MYT1L: variants seen among roughly 807,000 people sequenced by gnomAD.
MYT1L encodes the protein myelin transcription factor 1 like.
MYT1L carries 12 observed loss-of-function variants against 126.7 expected under a neutral mutation model. That is an observed-to-expected ratio of 0.09 (90% CI 0.06 to 0.15). The LOEUF (loss-of-function observed/expected upper bound fraction) is 0.15. MYT1L is among the 10% of genes least tolerant of loss of function. The probability of loss-of-function intolerance (pLI) is 1.00; values close to 1 mark genes in which losing one functional copy is unlikely to be tolerated. For missense variants in MYT1L, 979 were observed against 1,585.2 expected (o/e 0.62, Z 6.49); for synonymous variants, 541 against 604.2 (o/e 0.90, Z 1.53).
chr2:1,910,893 A>G lies in MYT1L; in HGVS notation c.1710-546T>C, dbSNP rs2149022519. On this transcript the variant is annotated intron_variant, in intron 12 of 24. Transcript: ENST00000647738. The surrounding 1 kb of genome is among the most constrained non-coding windows in gnomAD (Gnocchi z 4.8). ...AGAATGATTTCTAGGACTGCAATAA[A>G]ATGTTTTGTGGAGCCAAATAGTTCA... Among the ~76,000 whole-genome samples the G allele has an allele frequency of 6.6e-6, 1 of 152,300 alleles. No individual in the cohort carries two copies. Among genetic ancestry groups the G allele is most frequent in the East Asian group, 1.9e-4 (1 of 5,182 alleles).
intron 19 of MYT1L, among the ~76,000 whole-genome samples, chr2:1,845,319 G>A (rs2042353219): frequency 6.6e-6 from 1 of 152,052 alleles, no homozygotes; most frequent in Admixed American, 6.6e-5. Flanking sequence ...TTTCGTGAAT[G>A]AGTTGGAACA....
At chr2:1,981,079 G>A (rs1356910618) in intron 5 of MYT1L, among the ~76,000 whole-genome samples, 7 of 151,646 alleles carry the variant, frequency 4.6e-5, no homozygotes, top group East Asian at 1.9e-4. Context: ...TAGATCTGCC[G>A]CTGAAATAAA....
chr2:2,032,025 A>G (rs2149929907), intron 4 of MYT1L, among the ~76,000 whole-genome samples: 1 of 137,618 alleles, frequency 7.3e-6, no homozygotes, highest in African/African-American at 2.9e-5. Context: ...CGAGGGCCTT[A>G]TACACACCCC....
chr2:2,021,666 G>T (rs1395101984), intron 4 of MYT1L, among the ~76,000 whole-genome samples: 1 of 152,208 alleles, frequency 6.6e-6, no homozygotes, highest in Non-Finnish European at 1.5e-5. Context: ...GCGAGGCCAA[G>T]GCAGGCTGAT....
chr2:2,299,426 G>A (rs1243018775), intron 1 of MYT1L, among the ~76,000 whole-genome samples: 1 of 152,216 alleles, frequency 6.6e-6, no homozygotes, highest in African/African-American at 2.4e-5. Context: ...GAACTGGTGT[G>A]GGCAGGAGGC....
intron 3 of MYT1L, among the ~76,000 whole-genome samples, chr2:2,136,877 C>G (rs1018678759): frequency 6.6e-6 from 1 of 152,148 alleles, no homozygotes; most frequent in African/African-American, 2.4e-5. Context: ...GGTATTCAAT[C>G]AGGAAAAGAG....
rs558192533 is a variant in MYT1L at position 1,889,046 on chromosome 2, G to A, written c.2520+195C>T. On this transcript the variant is annotated intron_variant, in intron 16 of 24. Coordinates refer to ENST00000647738, the MANE Select transcript of MYT1L (RefSeq NM_001303052.2). The surrounding 1 kb of genome is among the most constrained non-coding windows in gnomAD (Gnocchi z 4.1). ...TATCATTTACAAGAGTCAATACTTT[G>A]TTTCACTCTAATCAATGTTAGTCGC... Among the ~76,000 whole-genome samples the A allele has an allele frequency of 6.6e-6, 1 of 152,204 alleles. No individual in the cohort carries two copies. Among genetic ancestry groups the A allele is most frequent in the African/African-American group, 2.4e-5 (1 of 41,542 alleles).
intron 8 of MYT1L, among the ~76,000 whole-genome samples, chr2:1,953,962 T>C (rs1049226261): frequency 1.3e-5 from 2 of 152,188 alleles, no homozygotes; most frequent in Non-Finnish European, 2.9e-5. Flanking sequence ...TGATGTTCCA[T>C]TTTAGTGAAA....
intron 9 of MYT1L, among the ~76,000 whole-genome samples, chr2:1,936,682 C>T (rs982196643): frequency 1.3e-5 from 2 of 152,088 alleles, no homozygotes; most frequent in African/African-American, 4.8e-5. Context: ...AGTCTGTCTG[C>T]GTTTCAACTT....
chr2:1,865,583 T>G (rs949027308), intron 18 of MYT1L, among the ~76,000 whole-genome samples: 1 of 151,972 alleles, frequency 6.6e-6, no homozygotes, highest in Non-Finnish European at 1.5e-5. Flanking sequence ...TCCCCCTCCT[T>G]GTTTTTTTTC....
chr2:1,966,903 C>T (rs6751072), intron 8 of MYT1L, among the ~76,000 whole-genome samples: 21,001 of 152,066 alleles, frequency 0.14, 2,007 homozygotes, highest in African/African-American at 0.27. Flanking sequence ...ATGCCCTGGA[C>T]GAATGGCACA....
chr2:2,054,523 C>T (rs1308638695), intron 3 of MYT1L, among the ~76,000 whole-genome samples: 1 of 150,690 alleles, frequency 6.6e-6, no homozygotes, highest in East Asian at 2.0e-4. Context: ...GAGATGAGAT[C>T]CATGGGGATG....
chr2:2,166,834 TGCAAATACAA>T (rs2089212389), intron 3 of MYT1L, among the ~76,000 whole-genome samples: 1 of 152,246 alleles, frequency 6.6e-6, no homozygotes. Flanking sequence ...ATATTTTTTA[TGCAAATACAA>T]GCAAATACAT....
intron 4 of MYT1L, among the ~76,000 whole-genome samples, chr2:2,030,319 G>C (rs567518704): frequency 8.6e-5 from 13 of 151,950 alleles, no homozygotes; most frequent in Non-Finnish European, 1.5e-4. Flanking sequence ...GGATGGTCTC[G>C]ATCTCCTGAC....
In MYT1L at chr2:1,878,859, T is replaced by C. The variant is rs550611976; in HGVS notation, c.2711+7680A>G. On this transcript the variant is annotated intron_variant, in intron 18 of 24. Transcript: ENST00000647738. ...AATTTCTCTTTGGAGGTAGACGAGATGTCTCCATCTCTCATTCATGAATAG... is the reference window on the plus strand; with the variant it reads ...AATTTCTCTTTGGAGGTAGACGAGACGTCTCCATCTCTCATTCATGAATAG... 2.2e-3 allele frequency among the ~76,000 whole-genome samples: 340 copies of C among 152,334 alleles called. 1 individual carries two copies. Among genetic ancestry groups the C allele is most frequent in the Non-Finnish European group, 2.9e-3 (198 of 68,030 alleles).
At chr2:2,272,876 C>T (rs1406191134) in intron 2 of MYT1L, among the ~76,000 whole-genome samples, 1 of 152,170 alleles carries the variant, frequency 6.6e-6, no homozygotes, top group Admixed American at 6.5e-5. Flanking sequence ...CCTGCTGGCC[C>T]TGCACCTCCA....
intron 19 of MYT1L, among the ~76,000 whole-genome samples, chr2:1,850,230 T>TCCTTCCTC (rs2043083851): frequency 2.3e-5 from 2 of 87,766 alleles, no homozygotes; most frequent in Non-Finnish European, 4.6e-5. Context: ...CTTCCTTCCT[T>TCCTTCCTC]CCTTCCTTCC....
intron 21 of MYT1L, among the ~76,000 whole-genome samples, chr2:1,821,068 T>C (rs2038449623): frequency 1.3e-5 from 2 of 152,222 alleles, no homozygotes; most frequent in African/African-American, 2.4e-5. Flanking sequence ...TTCCTTGTGA[T>C]GAACCCGTCC....
At chr2:1,838,239 A>G (rs1311769014) in intron 21 of MYT1L, among the ~76,000 whole-genome samples, 1 of 152,028 alleles carries the variant, frequency 6.6e-6, no homozygotes, top group Non-Finnish European at 1.5e-5. Context: ...ACCCATTTAC[A>G]TTGTTTGAAT....
Sources: gnomAD v4.1 joint callset for allele counts (sites outside exome capture counted in the v4.1 genomes callset) on GRCh38, gnomAD v4.1.1 for gene constraint, Gnocchi (gnomAD v3.1) non-coding constraint, MANE v1.5 for transcripts, NCBI Gene and HGNC (gene_info 2026-07-23, HGNC 2026-07-21) for gene names.